The following DLG2 variants were observed in gnomAD, a reference collection of about 807,000 sequenced individuals.
DLG2 encodes the protein disks large homolog 2.
In DLG2, 45 loss-of-function variants were observed where a neutral mutation model predicts 132.5. The observed-to-expected ratio is 0.34, with a 90% CI of 0.27 to 0.44. DLG2 has a LOEUF of 0.44. Ranked by LOEUF, DLG2 falls within the 20% of genes least tolerant of loss-of-function variation. DLG2 has a pLI of 1.00. For missense variants in DLG2, 1,045 were observed against 1,196.9 expected (o/e 0.87, Z 1.87); for synonymous variants, 424 against 419.6 (o/e 1.01, Z -0.13).
chr11:83,766,396 C>CTTTT (rs35039524), intron 18 of DLG2, among the ~76,000 whole-genome samples: 10 of 132,402 alleles, frequency 7.6e-5, no homozygotes, highest in African/African-American at 2.8e-4. Flanking sequence ...CCTGGCCTGC[C>CTTTT]TTTTTTTTTT....
chr11:85,408,479 C>T (rs1304234302), intron 3 of DLG2, among the ~76,000 whole-genome samples: 1 of 151,136 alleles, frequency 6.6e-6, no homozygotes, highest in Non-Finnish European at 1.5e-5. Flanking sequence ...ATGTGACATG[C>T]TGGTGCACTG....
intron 6 of DLG2, among the ~76,000 whole-genome samples, chr11:84,675,174 G>C (rs1006388073): frequency 1.3e-5 from 2 of 152,092 alleles, no homozygotes; most frequent in Admixed American, 6.6e-5. Context: ...TGATTCTGCT[G>C]TCTTGATTTT....
At chr11:85,244,242 A>T (rs2076029458) in intron 4 of DLG2, among the ~76,000 whole-genome samples, 1 of 151,974 alleles carries the variant, frequency 6.6e-6, no homozygotes, top group Admixed American at 6.6e-5. Flanking sequence ...TTTAGTTATA[A>T]ATTATTTAGA....
chr11:84,788,496 C>G (rs1026027689), intron 6 of DLG2, among the ~76,000 whole-genome samples: 3 of 151,978 alleles, frequency 2.0e-5, no homozygotes, highest in Non-Finnish European at 4.4e-5. Flanking sequence ...TACATTCATA[C>G]CTTTGAGTGC....
At chr11:85,139,247 T>C (rs565702249) in intron 5 of DLG2, among the ~76,000 whole-genome samples, 2 of 152,120 alleles carry the variant, frequency 1.3e-5, no homozygotes, top group South Asian at 2.1e-4. Context: ...GTTTTGTCCA[T>C]GGCAATCTCA....
In DLG2 at chr11:85,364,483, T is replaced by C. The variant is rs557779568; in HGVS notation, c.41-79118A>G. Among the ~76,000 whole-genome samples, 4 of 152,278 alleles carry C rather than the reference T, an allele frequency of 2.6e-5. No individual in the cohort carries two copies. In the South Asian group the frequency reaches 8.3e-4, roughly 32 times the overall value. On this transcript the variant is annotated intron_variant, in intron 3 of 27. Transcript: ENST00000376104. Reference sequence around the variant, plus strand: ...TGACAGAGATATAATTAATTGAGGCTGACTGATTCTACACTGACACATGGA... The same window carrying C: ...TGACAGAGATATAATTAATTGAGGCCGACTGATTCTACACTGACACATGGA...
intron 6 of DLG2, among the ~76,000 whole-genome samples, chr11:84,778,019 T>C (rs1375288674): frequency 2.0e-5 from 3 of 152,166 alleles, no homozygotes; most frequent in Non-Finnish European, 4.4e-5. Flanking sequence ...TAGTCATAAA[T>C]TCTTTGCCTA....
chr11:84,191,506 T>G (rs1341556449), intron 8 of DLG2, among the ~76,000 whole-genome samples: 1 of 152,190 alleles, frequency 6.6e-6, no homozygotes. Context: ...ATTTCATTTG[T>G]TAAACAAACC....
intron 18 of DLG2, among the ~76,000 whole-genome samples, chr11:83,783,674 T>C (rs2094926666): frequency 6.6e-6 from 1 of 152,172 alleles, no homozygotes; most frequent in African/African-American, 2.4e-5. Context: ...AATATAGGTA[T>C]GGTGTCTGCA....
intron 6 of DLG2, among the ~76,000 whole-genome samples, chr11:84,746,771 G>A (rs571967832): frequency 1.4e-4 from 22 of 152,248 alleles, no homozygotes; most frequent in Admixed American, 1.4e-3. Context: ...AAGCACTAAG[G>A]TCATTATTCT....
intron 6 of DLG2, among the ~76,000 whole-genome samples, chr11:84,666,728 T>G (rs1437360615): frequency 6.6e-6 from 1 of 152,028 alleles, no homozygotes; most frequent in East Asian, 1.9e-4. Context: ...ATATTTATAT[T>G]TAAATAAAAT....
chr11:84,628,800 G>C (rs2099627042), intron 6 of DLG2, among the ~76,000 whole-genome samples: 1 of 152,110 alleles, frequency 6.6e-6, no homozygotes, highest in Non-Finnish European at 1.5e-5. Flanking sequence ...CTGAGGGCAA[G>C]GATTTTTAAA....
chr11:85,550,386 T>C (rs2076592534), intron 3 of DLG2, among the ~76,000 whole-genome samples: 1 of 152,244 alleles, frequency 6.6e-6, no homozygotes, highest in Non-Finnish European at 1.5e-5. Flanking sequence ...GGGGCCTGCA[T>C]GGAGTTTGTG....
intron 17 of DLG2, among the ~76,000 whole-genome samples, chr11:83,807,201 G>A (rs1179058741): frequency 6.6e-6 from 1 of 152,198 alleles, no homozygotes; most frequent in Non-Finnish European, 1.5e-5. Context: ...TTTGTTCTCT[G>A]AAGCATATAT....
intron 19 of DLG2, among the ~76,000 whole-genome samples, chr11:83,561,927 T>C (rs949117135): frequency 8.2e-5 from 11 of 133,336 alleles, no homozygotes; most frequent in Non-Finnish European, 1.5e-4. Context: ...TCTTGCTCTG[T>C]CACCAGGCTG....
chr11:84,785,560 G>A (rs973788271), intron 6 of DLG2, among the ~76,000 whole-genome samples: 1 of 151,998 alleles, frequency 6.6e-6, no homozygotes, highest in African/African-American at 2.4e-5. Context: ...CCACTATAAA[G>A]AGAAATTTCA....
At chr11:84,793,603 T>TCC (rs2074171216) in intron 6 of DLG2, among the ~76,000 whole-genome samples, 1 of 152,210 alleles carries the variant, frequency 6.6e-6, no homozygotes, top group Non-Finnish European at 1.5e-5. Flanking sequence ...TGCATATATA[T>TCC]TCACAATTGT....
intron 5 of DLG2, among the ~76,000 whole-genome samples, chr11:85,122,949 T>TA (rs1566894352): frequency 2.1e-5 from 1 of 48,154 alleles, no homozygotes; most frequent in East Asian, 8.2e-4. Context: ...TGTATATATA[T>TA]TATATATATA....
At chr11:84,868,041 T>A (rs2084874137) in intron 6 of DLG2, among the ~76,000 whole-genome samples, 1 of 151,236 alleles carries the variant, frequency 6.6e-6, no homozygotes, top group African/African-American at 2.4e-5. Context: ...GCCACTGCAC[T>A]CCAGCCTGGG....
Sources: gnomAD v4.1 joint callset for allele counts (sites outside exome capture counted in the v4.1 genomes callset) on GRCh38, gnomAD v4.1.1 for gene constraint, MANE v1.5 for transcripts, NCBI Gene and HGNC (gene_info 2026-07-23, HGNC 2026-07-21) for gene names.